SCML4: variants seen among roughly 807,000 people sequenced by gnomAD.
SCML4 encodes Scm polycomb group protein like 4.
A neutral mutation model predicts 41.1 loss-of-function variants in SCML4; 34 were observed. The observed-to-expected ratio is 0.83, with a 90% confidence interval of 0.63 to 1.10. SCML4 has a LOEUF of 1.10. SCML4 is among the 50% of genes least tolerant of loss of function. The probability of loss-of-function intolerance (pLI) is 0.00; values close to 1 mark genes in which losing one functional copy is unlikely to be tolerated. For synonymous variants in SCML4, 214 were observed against 220.9 expected, an observed-to-expected ratio of 0.97 and a Z score of 0.28; for missense variants, 522 against 534.1, an observed-to-expected ratio of 0.98 and a Z score of 0.22.
At chr6:107,737,043 TCTC>T (rs1257315967) in intron 5 of SCML4, among the ~76,000 whole-genome samples, 2 of 152,228 alleles carry the variant, frequency 1.3e-5, no homozygotes, top group African/African-American at 2.4e-5. Context: ...TTTCCAAAGA[TCTC>T]CTACTCTTGG....
chr6:107,824,915 G>T (rs532929340), upstream of SCML4, among the ~76,000 whole-genome samples: 50 of 152,280 alleles, frequency 3.3e-4, no homozygotes, highest in African/African-American at 7.7e-4. Context: ...CACACACCAT[G>T]GTTGTACATA....
At chr6:107,799,511 G>A (rs1782948795) in intron 1 of SCML4, among the ~76,000 whole-genome samples, 2 of 152,110 alleles carry the variant, frequency 1.3e-5, no homozygotes, top group African/African-American at 2.4e-5. Context: ...TATTCAGTCT[G>A]ATAATCTCTG....
chr6:107,839,372 A>G, the SCML4 span, among the ~76,000 whole-genome samples: 3 of 147,544 alleles, frequency 2.0e-5, no homozygotes, highest in African/African-American at 7.8e-5. Context: ...AAAGAAGGAA[A>G]GAAAGAAAGA....
At chr6:107,764,690 A>G (rs1234415989) in intron 2 of SCML4, among the ~76,000 whole-genome samples, 1 of 152,206 alleles carries the variant, frequency 6.6e-6, no homozygotes, top group Non-Finnish European at 1.5e-5. Flanking sequence ...AAAAAGTTCT[A>G]TCTGATATGG....
intron 5 of SCML4, among the ~76,000 whole-genome samples, chr6:107,726,147 C>CA (rs888961150): frequency 5.3e-5 from 8 of 150,904 alleles, no homozygotes; most frequent in Admixed American, 5.3e-4. Flanking sequence ...AAAATACCTG[C>CA]AAATTATATA....
chr6:107,827,872 C>A (rs953856405), upstream of SCML4, among the ~76,000 whole-genome samples: 1 of 152,184 alleles, frequency 6.6e-6, no homozygotes, highest in African/African-American at 2.4e-5. Flanking sequence ...GGTAAAGACA[C>A]CGTTCACATT....
chr6:107,702,169 G>A lies in SCML4; in HGVS notation c.*3031C>T, dbSNP rs1196406399. 6.6e-6 allele frequency among the ~76,000 whole-genome samples: 1 copy of A among 152,170 alleles called. No individual in the cohort carries two copies. Among genetic ancestry groups the A allele is most frequent in the Non-Finnish European group, 1.5e-5 (1 of 68,030 alleles). On this transcript the variant is annotated 3_prime_UTR_variant, in exon 8 of 8. Coordinates refer to ENST00000369020, the MANE Select transcript of SCML4 (RefSeq NM_198081.5). ...CCTCCCCAGGTTATTCTCTGATGTG[G>A]CAGCATTTATTTTAAGAGTAATGAG...
intron 1 of SCML4, among the ~76,000 whole-genome samples, chr6:107,810,469 T>C (rs1402030712): frequency 6.6e-6 from 1 of 152,098 alleles, no homozygotes; most frequent in South Asian, 2.1e-4. Flanking sequence ...AAGGAAGAGA[T>C]AGGTGGAGAT....
At chr6:107,705,751 C>T (rs1033613176) in intron 7 of SCML4, among the ~76,000 whole-genome samples, 10 of 152,142 alleles carry the variant, frequency 6.6e-5, no homozygotes, top group African/African-American at 2.4e-4. Context: ...CTTAGTAGGC[C>T]CACCTACCTT....
intron 2 of SCML4, among the ~76,000 whole-genome samples, chr6:107,771,606 T>C (rs1454880366): frequency 2.0e-5 from 3 of 152,224 alleles, no homozygotes; most frequent in African/African-American, 4.8e-5. Flanking sequence ...TGCCTCCTTG[T>C]AGCCAAACTC....
chr6:107,755,477 T>C (rs1347267451), intron 2 of SCML4: 4 of 357,732 alleles, frequency 1.1e-5, no homozygotes, highest in Non-Finnish European at 1.9e-5. Context: ...CCCATGATTT[T>C]GGAAAAGTCC....
intron 2 of SCML4, among the ~76,000 whole-genome samples, chr6:107,751,112 C>T (rs894380435): frequency 3.3e-5 from 5 of 152,106 alleles, no homozygotes; most frequent in African/African-American, 1.2e-4. Flanking sequence ...AAATCTTTGG[C>T]CTCATGGAAC....
At chr6:107,789,920 A>C (rs1429830518) in intron 1 of SCML4, among the ~76,000 whole-genome samples, 1 of 152,248 alleles carries the variant, frequency 6.6e-6, no homozygotes, top group Non-Finnish European at 1.5e-5. Context: ...TTATTTTATT[A>C]AATTCTCACT....
At chr6:107,790,697 C>T (rs974435369) in intron 1 of SCML4, among the ~76,000 whole-genome samples, 1 of 152,156 alleles carries the variant, frequency 6.6e-6, no homozygotes, top group Non-Finnish European at 1.5e-5. Flanking sequence ...AACAGAAAGG[C>T]ACACACAGCA....
chr6:107,845,985 G>C, the SCML4 span, among the ~76,000 whole-genome samples: 1 of 152,192 alleles, frequency 6.6e-6, no homozygotes, highest in Non-Finnish European at 1.5e-5. Flanking sequence ...TCTGATGTGG[G>C]GAGAGAAGGG....
intron 2 of SCML4, among the ~76,000 whole-genome samples, chr6:107,769,671 TATA>T (rs1780359972): frequency 2.0e-5 from 3 of 152,182 alleles, no homozygotes; most frequent in African/African-American, 7.2e-5. Flanking sequence ...TTATTATTGA[TATA>T]ATAAAATTAT....
At chr6:107,785,950 A>C (rs1399695611) in intron 1 of SCML4, among the ~76,000 whole-genome samples, 1 of 151,990 alleles carries the variant, frequency 6.6e-6, no homozygotes, top group Non-Finnish European at 1.5e-5. Context: ...CTTGCAGCCT[A>C]GTACTCCAAG....
At position 107,725,794 on chromosome 6, in the gene SCML4, C is replaced by T. The variant is rs1178573398; in HGVS notation, c.683-4801G>A. ...TTCATCAAAATTAAAAACTTTTGCA[C>T]GTTTGCACTGGGCACGGTGGCTCAT... On this transcript the variant is annotated intron_variant, in intron 5 of 7. Transcript: ENST00000369020. 4.6e-5 allele frequency among the ~76,000 whole-genome samples: 7 copies of T among 152,094 alleles called. No homozygotes were observed. In the South Asian group the frequency reaches 8.3e-4, roughly 18 times the overall value.
intron 2 of SCML4, among the ~76,000 whole-genome samples, chr6:107,766,681 C>T (rs918135021): frequency 6.6e-6 from 1 of 152,216 alleles, no homozygotes; most frequent in Non-Finnish European, 1.5e-5. Flanking sequence ...TCAGATCCAC[C>T]TCTGAGCCTC....
Sources: gnomAD v4.1 joint callset for allele counts (sites outside exome capture counted in the v4.1 genomes callset) on GRCh38, gnomAD v4.1.1 for gene constraint, MANE v1.5 for transcripts, NCBI Gene and HGNC (gene_info 2026-07-23, HGNC 2026-07-21) for gene names.